NUBP2: variants seen among roughly 807,000 people sequenced by gnomAD.
NUBP2 encodes the protein cytosolic Fe-S cluster assembly factor NUBP2.
Under a neutral mutation model 24.9 loss-of-function variants are expected in NUBP2, and 23 were observed. The observed-to-expected ratio is 0.92, with a 90% confidence interval of 0.66 to 1.31. The LOEUF is 1.31. Ranked by LOEUF, NUBP2 falls within the 50% of genes most tolerant of loss-of-function variation. The pLI, the probability that NUBP2 is intolerant of heterozygous loss-of-function variation, is 0.00. For missense variants in NUBP2, 403 were observed against 386.5 expected (o/e 1.04, Z -0.36); for synonymous variants, 186 against 170.9 (o/e 1.09, Z -0.69).
rs746310790 is a variant in NUBP2 at position 1,786,802 on chromosome 16, A to G, written c.181A>G (p.Met61Val). The change falls in exon 3 of 7, where the codon ATG becomes GTG. Residue 61 changes from methionine (M) to valine (V), a missense_variant. Met to Val is a conservative substitution (Grantham distance 21). Transcript: ENST00000262302. ...VDLCGPSIPR[M>V]LGAQGRAVHQ... The stretch of plus-strand genomic sequence containing the variant: ...CCTGTGTGGCCCCAGTATCCCCCGC[A>G]TGCTCGGGGCGCAGGGCAGGGCTGT... 6.2e-7 allele frequency: 1 copy of G among 1,610,154 alleles called. No individual in the cohort carries two copies. The highest frequency in any genetic ancestry group is 8.5e-7 in the Non-Finnish European group (1 of 1,178,218).
chr16:1,785,173 G>A (rs573844270), intron 1 of NUBP2: 164 of 997,988 alleles, frequency 1.6e-4, no homozygotes, highest in Admixed American at 9.3e-4. Flanking sequence ...CGCCTTCCTC[G>A]GGGAGATGGT....
chr16:1,788,267 G>T (rs1204472202), intron 6 of NUBP2, 60 bp downstream of exon 6: 13 of 1,410,964 alleles, frequency 9.2e-6, no homozygotes, highest in Non-Finnish European at 3.7e-6. Context: ...GCCCTGGGCG[G>T]GTTTGACCTC....
Position 1,788,574 on chromosome 16 carries a change from G to A in NUBP2, c.676G>A (p.Val226Met), listed in dbSNP as rs779055058. 18 of 1,603,988 alleles carry A rather than the reference G, an allele frequency of 1.1e-5. No homozygotes were observed. Among genetic ancestry groups the A allele is most frequent in the African/African-American group, 5.3e-5 (4 of 74,768 alleles). The change falls in exon 7 of 7, where the codon GTG becomes ATG. Residue 226 changes from valine to methionine, a missense_variant. Coordinates refer to ENST00000262302, the MANE Select transcript of NUBP2 (RefSeq NM_012225.4). The part of the protein sequence containing the change: ...QLAGVPFLGS[V>M]PLDPALMRTL... ...GCCTCCACTGTGCCCTGCAGGCTCCGTGCCCCTGGACCCTGCGCTCATGAG... is the reference window on the plus strand; with the variant it reads ...GCCTCCACTGTGCCCTGCAGGCTCCATGCCCCTGGACCCTGCGCTCATGAG...
chr16:1,786,313 C>T, intron 1 of NUBP2: 1 of 568,660 alleles, frequency 1.8e-6, no homozygotes, highest in Non-Finnish European at 3.1e-6. Flanking sequence ...CAGGCAGGTG[C>T]AGGGAGTGCC....
chr16:1,786,786 C>T lies in NUBP2; in HGVS notation c.165C>T (p.Gly55=). Residue 55 remains glycine (G), a synonymous_variant, in exon 3 of 7, where the codon GGC becomes GGT. Transcript: ENST00000262302. ...GAATCCTGGATGTGGACCTGTGTGG[C>T]CCCAGTATCCCCCGCATGCTCGGGG... ...KVGILDVDLC[G]PSIPRMLGAQ... 5.0e-6 allele frequency: 8 copies of T among 1,611,004 alleles called. No homozygotes were observed. The highest frequency in any genetic ancestry group is 6.8e-6 in the Non-Finnish European group (8 of 1,178,810).
chr16:1,785,658 C>T, intron 1 of NUBP2: 9 of 1,288,776 alleles, frequency 7.0e-6, no homozygotes, highest in Non-Finnish European at 9.1e-6. Context: ...GCTGGGGCTG[C>T]CTTTTCCGCG....
chr16:1,786,999 A>G, intron 3 of NUBP2, 44 bp downstream of exon 3: 2 of 1,471,874 alleles, frequency 1.4e-6, no homozygotes, highest in Non-Finnish European at 1.8e-6. Context: ...GAAGGGGGTT[A>G]GCGTCCGTGC....
intron 3 of NUBP2, 150 bp downstream of exon 3, chr16:1,787,105 C>T (rs900243067): frequency 8.4e-6 from 6 of 711,698 alleles, no homozygotes; most frequent in Non-Finnish European, 1.1e-5. Context: ...CTCAGGCTGG[C>T]GGTGTGTCTC....
intron 1 of NUBP2, chr16:1,785,563 G>C: frequency 8.1e-7 from 1 of 1,228,974 alleles, no homozygotes; most frequent in Non-Finnish European, 1.0e-6. Flanking sequence ...TGGTGTTGAA[G>C]TAATTTAAGT....
At position 1,786,974 on chromosome 16, in the gene NUBP2, G is replaced by A. The variant is rs201674456; in HGVS notation, c.334+19G>A. 3.9e-5 allele frequency: 59 copies of A among 1,504,420 alleles called. No homozygotes were observed. Among genetic ancestry groups the A allele is most frequent in the Admixed American group, 2.0e-4 (9 of 44,344 alleles). 93.2% of individuals were successfully genotyped at this position (1,504,420 alleles called of 1,614,324 possible). A position where few individuals can be genotyped will look rare whatever the true frequency, so the allele number is the denominator to read the frequency against. On this transcript the variant is annotated intron_variant, in intron 3 of 6. Transcript: ENST00000262302. ...AAAAACGGTAACGGCCGGGCGGCGC[G>A]TCCGCCGTCCTGGTGAAGGGGGTTA...
intron 1 of NUBP2, chr16:1,783,444 C>T (rs1896817243): frequency 3.0e-6 from 3 of 1,006,604 alleles, no homozygotes; most frequent in Admixed American, 1.2e-4. Context: ...GTAAGACGGA[C>T]GCCAGAATCT....
intron 3 of NUBP2, chr16:1,787,226 G>T: frequency 2.2e-6 from 1 of 446,540 alleles, no homozygotes. Flanking sequence ...AGTGTGGCAG[G>T]TCATAGGGGC....
chr16:1,785,046 C>T (rs927804580), intron 1 of NUBP2: 3 of 975,014 alleles, frequency 3.1e-6, no homozygotes, highest in East Asian at 2.3e-4. Flanking sequence ...AATGAGACCC[C>T]CTCTCAAAAT....
chr16:1,786,450 TG>T, intron 1 of NUBP2, 86 bp from the exon 2 acceptor site: 1 of 1,152,204 alleles, frequency 8.7e-7, no homozygotes, highest in Non-Finnish European at 1.3e-6. Context: ...GCTCAGAACG[TG>T]GGTGCAAGAG....
chr16:1,784,030 A>T (rs1896847716), intron 1 of NUBP2: 1 of 985,016 alleles, frequency 1.0e-6, no homozygotes, highest in Non-Finnish European at 1.2e-6. Flanking sequence ...AAGCCTGGAA[A>T]AGCCTGTCCT....
At chr16:1,784,986 A>C in intron 1 of NUBP2, 1 of 602,664 alleles carries the variant, frequency 1.7e-6, no homozygotes, top group Non-Finnish European at 2.1e-6. Context: ...CAGGAGGCGG[A>C]GGTTGCAGTG....
Position 1,786,978 on chromosome 16 carries a change from G to A in NUBP2, c.334+23G>A, listed in dbSNP as rs370052833. Reference sequence around the variant, plus strand: ...ACGGTAACGGCCGGGCGGCGCGTCCGCCGTCCTGGTGAAGGGGGTTAGCGT... The same window carrying A: ...ACGGTAACGGCCGGGCGGCGCGTCCACCGTCCTGGTGAAGGGGGTTAGCGT... On this transcript the variant is annotated intron_variant, in intron 3 of 6. Transcript: ENST00000262302. 56 of 1,502,592 alleles carry A rather than the reference G, an allele frequency of 3.7e-5. No individual in the cohort carries two copies. The East Asian group carries it at 4.4e-4, about 12-fold the overall frequency. The allele number at this position is 1,502,592 out of a possible 1,614,324, so 93.1% of individuals were successfully genotyped here.
At chr16:1,783,422 G>A (rs1023802565) in intron 1 of NUBP2, 207 of 1,022,916 alleles carry the variant, frequency 2.0e-4, no homozygotes, top group Admixed American at 4.6e-4. Flanking sequence ...TCACACGCGC[G>A]CAGTCATGAA....
At chr16:1,786,302 T>G in intron 1 of NUBP2, 2 of 554,740 alleles carry the variant, frequency 3.6e-6, no homozygotes, top group Non-Finnish European at 3.2e-6. Flanking sequence ...CAGCGCCGCC[T>G]CAGGCAGGTG....
Sources: allele counts gnomAD v4.1 joint callset, GRCh38; gene constraint gnomAD v4.1.1; transcripts MANE v1.5; gene names NCBI Gene and HGNC (gene_info 2026-07-23, HGNC 2026-07-21).